The following DAB1 variants were observed in gnomAD, a reference collection of about 807,000 sequenced individuals.
DAB1 encodes the protein DAB adaptor protein 1.
DAB1 carries 15 observed loss-of-function variants against 64.6 expected under a neutral mutation model. The observed-to-expected ratio is 0.23, with a 90% CI of 0.16 to 0.36. DAB1 has a LOEUF of 0.36. Ranked by LOEUF, DAB1 falls within the 10% of genes least tolerant of loss-of-function variation. The pLI is 1.00. For missense variants in DAB1, 596 were observed against 706.7 expected (o/e 0.84, Z 1.78); for synonymous variants, 235 against 251.9 (o/e 0.93, Z 0.64).
At chr1:57,845,030 G>A (rs11207123) in intron 1 of DAB1, among the ~76,000 whole-genome samples, 2,693 of 152,250 alleles carry the variant, frequency 0.018, 94 homozygotes, top group African/African-American at 0.063. Context: ...AGAACCATCT[G>A]AGATTAATTC....
intron 4 of DAB1, among the ~76,000 whole-genome samples, chr1:57,116,129 C>T (rs187299117): frequency 3.2e-4 from 49 of 152,250 alleles, no homozygotes; most frequent in African/African-American, 1.2e-3. Context: ...ACACGCTTCT[C>T]ATCTTGGCAT....
chr1:58,328,259 G>A (rs1369763193), intron 4 of DAB1, among the ~76,000 whole-genome samples: 1 of 152,188 alleles, frequency 6.6e-6, no homozygotes, highest in Admixed American at 6.5e-5. Flanking sequence ...TGCCATCGCA[G>A]CTCCTATTTT....
chr1:57,136,362 C>T (rs764769753), intron 4 of DAB1, among the ~76,000 whole-genome samples, 181 bp downstream of exon 4: 11 of 152,164 alleles, frequency 7.2e-5, no homozygotes, highest in Admixed American at 1.3e-4. Context: ...ACAGTGCAGC[C>T]ATACTGTGGC....
Position 57,377,281 on chromosome 1 carries a change from A to AAAAAG in DAB1, c.-137+46644_-137+46648dup, listed in dbSNP as rs1553174558. On this transcript the variant is annotated intron_variant, in intron 1 of 14. Coordinates refer to ENST00000371236, the MANE Select transcript of DAB1 (RefSeq NM_001365792.1). ...TGAGACTCCATCTTAAAAAAAAAAA[A>AAAAAG]AAAAGAAAAGAAAAGGCAGGCCACT... 2.1e-3 allele frequency among the ~76,000 whole-genome samples: 310 copies of AAAAAG among 146,524 alleles called. 1 individual carries two copies. The highest frequency in any genetic ancestry group is 5.9e-3 in the African/African-American group (230 of 39,316).
intron 10 of DAB1, among the ~76,000 whole-genome samples, chr1:57,025,357 G>C (rs1646750936): frequency 6.6e-6 from 1 of 152,168 alleles, no homozygotes; most frequent in Admixed American, 6.5e-5. Context: ...GAGGTACACT[G>C]GCTGAAGCTG....
chr1:58,145,093 A>G (rs184132820), intron 5 of DAB1, among the ~76,000 whole-genome samples: 4 of 152,350 alleles, frequency 2.6e-5, no homozygotes, highest in Admixed American at 2.6e-4. Flanking sequence ...GTACTTGCTA[A>G]ATATTCAGAA....
intron 5 of DAB1, among the ~76,000 whole-genome samples, chr1:58,037,120 C>T (rs560193927): frequency 2.0e-5 from 3 of 152,268 alleles, no homozygotes; most frequent in South Asian, 4.2e-4. Flanking sequence ...ACTGACTCCA[C>T]GTATTGTCTC....
At chr1:57,844,506 T>C (rs1482097273) in intron 1 of DAB1, among the ~76,000 whole-genome samples, 2 of 152,150 alleles carry the variant, frequency 1.3e-5, no homozygotes, top group Admixed American at 1.3e-4. Flanking sequence ...TTTCTGAAGA[T>C]TGGGTCCAGA....
At chr1:57,915,479 CCAGCTGCA>C (rs1644712668) in intron 5 of DAB1, among the ~76,000 whole-genome samples, 1 of 152,100 alleles carries the variant, frequency 6.6e-6, no homozygotes, top group African/African-American at 2.4e-5. Flanking sequence ...AAATCTTACT[CCAGCTGCA>C]CTAAAATCAG....
chr1:57,302,990 T>C (rs1361904770), intron 1 of DAB1, among the ~76,000 whole-genome samples: 1 of 152,178 alleles, frequency 6.6e-6, no homozygotes, highest in Non-Finnish European at 1.5e-5. Context: ...GTAATCCACA[T>C]AAAATGTTTA....
intron 5 of DAB1, among the ~76,000 whole-genome samples, chr1:57,961,474 A>T (rs1275551669): frequency 6.6e-6 from 1 of 151,932 alleles, no homozygotes; most frequent in Non-Finnish European, 1.5e-5. Flanking sequence ...CTCTGACCAA[A>T]TGAGTCCCCC....
At chr1:58,490,346 T>C (rs1210006885) in intron 3 of DAB1, among the ~76,000 whole-genome samples, 2 of 151,966 alleles carry the variant, frequency 1.3e-5, no homozygotes, top group South Asian at 2.1e-4. Context: ...GTATCAGTGA[T>C]GGAAGATGAA....
chr1:57,267,537 C>T (rs1344609481), intron 2 of DAB1, among the ~76,000 whole-genome samples: 2 of 152,126 alleles, frequency 1.3e-5, no homozygotes, highest in Admixed American at 6.6e-5. Flanking sequence ...TATCATAATC[C>T]CTCCCAAGGG....
chr1:57,349,542 C>T lies in DAB1; in HGVS notation c.-136-58376G>A, dbSNP rs187309191. 1.3e-4 allele frequency among the ~76,000 whole-genome samples: 20 copies of T among 152,272 alleles called. No individual in the cohort carries two copies. The East Asian group carries it at 3.7e-3, about 28-fold the overall frequency. ...AAGGAAGCTCTCTGACGAAGGTCAT[C>T]GGGATTTTGAAATGTTTGAAAATAA... On this transcript the variant is annotated intron_variant, in intron 1 of 14. Transcript: ENST00000371236.
intron 4 of DAB1, among the ~76,000 whole-genome samples, chr1:58,326,484 G>A (rs546135566): frequency 2.5e-4 from 38 of 152,318 alleles, no homozygotes; most frequent in African/African-American, 8.7e-4. Flanking sequence ...GGAAGGAGTG[G>A]AAGAAGACGG....
chr1:58,178,668 T>C (rs892906220), intron 4 of DAB1, among the ~76,000 whole-genome samples: 2 of 152,214 alleles, frequency 1.3e-5, no homozygotes, highest in African/African-American at 4.8e-5. Flanking sequence ...AAGGGACAGA[T>C]AGAAAATATC....
intron 4 of DAB1, among the ~76,000 whole-genome samples, chr1:57,111,656 C>T (rs1655669550): frequency 6.6e-6 from 1 of 152,152 alleles, no homozygotes; most frequent in Non-Finnish European, 1.5e-5. Flanking sequence ...CACTCCCTAT[C>T]ACATTACCCC....
chr1:57,213,406 A>G (rs1557950883), intron 2 of DAB1, among the ~76,000 whole-genome samples: 4 of 152,242 alleles, frequency 2.6e-5, no homozygotes, highest in Non-Finnish European at 5.9e-5. Context: ...CATGTCACTC[A>G]CGGCCACCAA....
At chr1:57,377,281 A>AAAG (rs61668671) in intron 1 of DAB1, among the ~76,000 whole-genome samples, 52,334 of 145,836 alleles carry the variant, frequency 0.36, 9,919 homozygotes, top group Non-Finnish European at 0.41. Flanking sequence ...AAAAAAAAAA[A>AAAG]AAAAGAAAAG....
Sources: gnomAD v4.1 joint callset for allele counts (sites outside exome capture counted in the v4.1 genomes callset) on GRCh38, gnomAD v4.1.1 for gene constraint, MANE v1.5 for transcripts, NCBI Gene and HGNC (gene_info 2026-07-23, HGNC 2026-07-21) for gene names.